PALM2AKAP2: variants seen among roughly 807,000 people sequenced by gnomAD.
PALM2AKAP2 encodes PALM2 and AKAP2 fusion.
Under a neutral mutation model 71.5 loss-of-function variants are expected in PALM2AKAP2, and 37 were observed. The ratio of observed to expected loss-of-function variants is 0.52; its 90% CI spans 0.40 to 0.68. The LOEUF is 0.68. Ranked by LOEUF, PALM2AKAP2 falls within the 30% of genes least tolerant of loss-of-function variation. PALM2AKAP2 has a pLI of 0.00. For missense variants in PALM2AKAP2, 1,224 were observed against 1,191.8 expected (o/e 1.03, Z -0.40); for synonymous variants, 468 against 478.8 (o/e 0.98, Z 0.29).
chr9:109,647,506 T>A (rs1290851380), intron 1 of PALM2AKAP2, among the ~76,000 whole-genome samples: 1 of 152,256 alleles, frequency 6.6e-6, no homozygotes, highest in African/African-American at 2.4e-5. Flanking sequence ...GTGAATTTTG[T>A]TAGATATTGC....
rs1829225628 is a variant in PALM2AKAP2 at position 109,769,674 on chromosome 9, T to TA, written c.6-10814_6-10813insA. Among the ~76,000 whole-genome samples the TA allele has an allele frequency of 2.0e-5, 3 of 152,312 alleles. No homozygotes were observed. In the South Asian group the frequency reaches 6.2e-4, roughly 32 times the overall value. ...TAATATTGGAGGATATTTGTGAAGGTGCCTGATGAGATGGACCTAACAGTG... is the reference window on the plus strand; with the variant it reads ...TAATATTGGAGGATATTTGTGAAGGTAGCCTGATGAGATGGACCTAACAGTG... On this transcript the variant is annotated intron_variant, in intron 1 of 6. Coordinates refer to the PALM2AKAP2 transcript ENST00000374531.
intron 1 of PALM2AKAP2, among the ~76,000 whole-genome samples, chr9:109,752,637 G>A (rs1828901605): frequency 6.6e-6 from 1 of 152,152 alleles, no homozygotes; most frequent in Non-Finnish European, 1.5e-5. Context: ...CTTGAATCTG[G>A]AAGCAGCCAT....
intron 1 of PALM2AKAP2, among the ~76,000 whole-genome samples, chr9:109,760,137 A>T (rs550675860): frequency 6.6e-6 from 1 of 152,278 alleles, no homozygotes; most frequent in South Asian, 2.1e-4. Context: ...GTTGTATGAA[A>T]AGAATCATGC....
At chr9:110,055,000 C>T (rs76143703) in intron 1 of PALM2AKAP2, among the ~76,000 whole-genome samples, 8,409 of 152,150 alleles carry the variant, frequency 0.055, 325 homozygotes, top group Non-Finnish European at 0.085. Flanking sequence ...AGCCTGACTG[C>T]CCCCCGCCCC....
At chr9:109,845,528 G>A (rs1382877061) in intron 1 of PALM2AKAP2, among the ~76,000 whole-genome samples, 1 of 152,170 alleles carries the variant, frequency 6.6e-6, no homozygotes, top group Admixed American at 6.5e-5. Context: ...TCTGTCCTGG[G>A]TGACCCTTAC....
intron 1 of PALM2AKAP2, among the ~76,000 whole-genome samples, chr9:109,694,613 C>A (rs1827942345): frequency 1.3e-5 from 2 of 151,992 alleles, no homozygotes. Flanking sequence ...ATATTATCAG[C>A]TGTCTATTCA....
At chr9:109,814,154 A>C (rs2131456217) in intron 1 of PALM2AKAP2, among the ~76,000 whole-genome samples, 1 of 152,334 alleles carries the variant, frequency 6.6e-6, no homozygotes, top group South Asian at 2.1e-4. Context: ...TCCCAGTTTC[A>C]CATTGGGACA....
intron 1 of PALM2AKAP2, among the ~76,000 whole-genome samples, chr9:109,833,651 A>T (rs1223867775): frequency 7.2e-5 from 11 of 152,174 alleles, no homozygotes; most frequent in African/African-American, 2.7e-4. Flanking sequence ...ATGGTGGGAC[A>T]ATTCTTCACT....
chr9:109,704,283 T>A (rs1407566620), intron 1 of PALM2AKAP2, among the ~76,000 whole-genome samples: 1 of 151,994 alleles, frequency 6.6e-6, no homozygotes, highest in Admixed American at 6.6e-5. Flanking sequence ...CTTCCAAATT[T>A]CCCCCCTTTT....
At chr9:109,742,758 T>G (rs560188886) in intron 1 of PALM2AKAP2, among the ~76,000 whole-genome samples, 3 of 152,350 alleles carry the variant, frequency 2.0e-5, no homozygotes, top group African/African-American at 7.2e-5. Context: ...ATGCCATATT[T>G]GGGGTAGAGA....
rs1829213254 is a variant in PALM2AKAP2 at position 109,858,008 on chromosome 9, A to C, written c.46-9483A>C. 2.0e-5 allele frequency among the ~76,000 whole-genome samples: 3 copies of C among 152,216 alleles called. No homozygotes were observed. The South Asian group carries it at 6.2e-4, about 32-fold the overall frequency. On this transcript the variant is annotated intron_variant, in intron 1 of 9. Transcript: ENST00000302798. ...TGTTTAGACAAAATCCTAAGCCAAA[A>C]ACTTCGTGCTAGGTAGAAAGGAAGC...
At chr9:110,092,242 G>A (rs1456405095) in intron 1 of PALM2AKAP2, among the ~76,000 whole-genome samples, 2 of 152,174 alleles carry the variant, frequency 1.3e-5, no homozygotes, top group Admixed American at 1.3e-4. Flanking sequence ...TGAGGCAGGA[G>A]AATTACATGA....
intron 1 of PALM2AKAP2, among the ~76,000 whole-genome samples, chr9:109,801,852 A>G (rs973200708): frequency 2.0e-5 from 3 of 152,158 alleles, no homozygotes; most frequent in Admixed American, 2.0e-4. Flanking sequence ...AATGGGCATC[A>G]TGGTAAGAAG....
At chr9:110,158,161 CAGTCACTT>C (rs1836504805) in intron 3 of PALM2AKAP2, among the ~76,000 whole-genome samples, 1 of 152,234 alleles carries the variant, frequency 6.6e-6, no homozygotes, top group Non-Finnish European at 1.5e-5. Context: ...CCTGGCTACT[CAGTCACTT>C]TCACCAGCCC....
At chr9:109,935,656 C>T (rs1831202547) in intron 6 of PALM2AKAP2, among the ~76,000 whole-genome samples, 1 of 152,146 alleles carries the variant, frequency 6.6e-6, no homozygotes, top group Non-Finnish European at 1.5e-5. Flanking sequence ...TTTAGCTAGC[C>T]ATGATGTCAA....
intron 3 of PALM2AKAP2, among the ~76,000 whole-genome samples, chr9:109,887,408 T>A (rs934365399): frequency 3.3e-5 from 5 of 152,240 alleles, no homozygotes; most frequent in African/African-American, 9.6e-5. Context: ...CCACCCCACG[T>A]TCAGCCACAT....
At chr9:109,820,435 T>C (rs1418587949) in intron 1 of PALM2AKAP2, among the ~76,000 whole-genome samples, 1 of 152,224 alleles carries the variant, frequency 6.6e-6, no homozygotes, top group African/African-American at 2.4e-5. Flanking sequence ...TTTATTGCAA[T>C]GTTCTAGGGT....
intron 3 of PALM2AKAP2, among the ~76,000 whole-genome samples, chr9:109,913,755 CTTTT>C (rs35024326): frequency 5.8e-5 from 6 of 102,954 alleles, no homozygotes; most frequent in African/African-American, 3.9e-5. Context: ...ATGCTTATTT[CTTTT>C]TTTTTTTTTT....
At chr9:110,064,366 G>C (rs1333004786) in intron 1 of PALM2AKAP2, among the ~76,000 whole-genome samples, 2 of 152,154 alleles carry the variant, frequency 1.3e-5, no homozygotes, top group Non-Finnish European at 2.9e-5. Context: ...TGCCTCTCCT[G>C]TCCGACCTCC....
Sources: allele counts gnomAD v4.1 joint callset (sites outside exome capture counted in the v4.1 genomes callset), GRCh38; gene constraint gnomAD v4.1.1; transcripts MANE v1.5; gene names NCBI Gene and HGNC (gene_info 2026-07-23, HGNC 2026-07-21).